Variants in FMN1 observed in about 807,000 individuals in gnomAD.
FMN1 encodes the protein formin 1.
A neutral mutation model predicts 132.4 loss-of-function variants in FMN1; 110 were observed. That is an observed-to-expected ratio of 0.83 (90% confidence interval 0.71 to 0.97). FMN1 has a LOEUF of 0.97. Among genes scored for constraint, FMN1 ranks in the 50% least tolerant of loss-of-function variants. The pLI is 0.00. For synonymous variants in FMN1, 722 were observed against 651.7 expected, an observed-to-expected ratio of 1.11 and a Z score of -1.64; for missense variants, 1,792 against 1,705.3, an observed-to-expected ratio of 1.05 and a Z score of -0.90.
intron 9 of FMN1, among the ~76,000 whole-genome samples, chr15:32,940,490 T>C (rs2061378460): frequency 1.3e-5 from 2 of 151,612 alleles, no homozygotes; most frequent in African/African-American, 4.8e-5. Context: ...AAATAACGGA[T>C]ACAGGAGCTA....
chr15:33,030,895 C>T (rs1390818040), intron 6 of FMN1, among the ~76,000 whole-genome samples: 1 of 151,992 alleles, frequency 6.6e-6, no homozygotes, highest in Non-Finnish European at 1.5e-5. Context: ...CATAGGTATA[C>T]ACGTGCCATG....
At chr15:33,031,151 G>A (rs1205777587) in intron 6 of FMN1, among the ~76,000 whole-genome samples, 1 of 152,114 alleles carries the variant, frequency 6.6e-6, no homozygotes, top group African/African-American at 2.4e-5. Context: ...GCTTACACAG[G>A]TAATAAGAAA....
rs577215139 is a variant in FMN1 at position 32,837,097 on chromosome 15, G to C, written c.3928+19918C>G. On this transcript the variant is annotated intron_variant, in intron 17 of 20. Coordinates refer to ENST00000616417, the MANE Select transcript of FMN1 (RefSeq NM_001277313.2). ...GTGTCTGTTCACCGCCAGGAGGAAG[G>C]CTTGATTAGCACTGAGCTGGAAGGA... is the stretch of plus-strand genomic sequence containing the variant. 3.5e-5 allele frequency: 8 copies of C among 227,364 alleles called. No individual in the cohort carries two copies. In the South Asian group the frequency reaches 4.2e-4, roughly 12 times the overall value. The allele number at this position is 227,364 out of a possible 1,614,324, so 14.1% of individuals were successfully genotyped here. A position where few individuals can be genotyped will look rare whatever the true frequency, so the allele number is the denominator to read the frequency against.
intron 17 of FMN1, among the ~76,000 whole-genome samples, chr15:32,820,736 GATA>G (rs751673451): frequency 1.3e-5 from 2 of 152,170 alleles, no homozygotes; most frequent in African/African-American, 4.8e-5. Context: ...ACGAAGGGCT[GATA>G]ATTGTTTTGT....
intron 7 of FMN1, among the ~76,000 whole-genome samples, chr15:32,994,232 T>TCTCTCTCTCTCTCACA (rs904998781): frequency 1.1e-4 from 4 of 37,264 alleles, no homozygotes; most frequent in Middle Eastern, 0.014. Flanking sequence ...TCTCTCTCTC[T>TCTCTCTCTCTCTCACA]CACACACACA....
chr15:33,137,587 A>T (rs1478561236), intron 4 of FMN1, among the ~76,000 whole-genome samples: 1 of 152,130 alleles, frequency 6.6e-6, no homozygotes, highest in African/African-American at 2.4e-5. Context: ...CCAGGAGAGG[A>T]TTCTGATTTT....
intron 7 of FMN1, among the ~76,000 whole-genome samples, chr15:32,989,684 C>T (rs1166727369): frequency 5.3e-5 from 8 of 152,128 alleles, no homozygotes; most frequent in Admixed American, 4.6e-4. Flanking sequence ...GGGCAACAAC[C>T]TAAATAATCG....
chr15:33,010,956 T>C (rs896971957), intron 6 of FMN1, among the ~76,000 whole-genome samples: 2 of 151,998 alleles, frequency 1.3e-5, no homozygotes, highest in Non-Finnish European at 2.9e-5. Context: ...TTCTGATTTA[T>C]AAGACTTCAT....
At chr15:33,039,790 A>G (rs35158642) in intron 6 of FMN1, among the ~76,000 whole-genome samples, 2,628 of 152,306 alleles carry the variant, frequency 0.017, 35 homozygotes, top group Non-Finnish European at 0.024. Context: ...ATGAATAATA[A>G]AGATTTTGAA....
At chr15:33,035,927 G>A (rs537356891) in intron 6 of FMN1, among the ~76,000 whole-genome samples, 2 of 152,270 alleles carry the variant, frequency 1.3e-5, no homozygotes, top group African/African-American at 4.8e-5. Flanking sequence ...ACTGTCATAG[G>A]AGGGAAGCTG....
intron 9 of FMN1, among the ~76,000 whole-genome samples, chr15:32,963,209 T>G (rs927716486): frequency 8.6e-5 from 13 of 151,456 alleles, no homozygotes; most frequent in African/African-American, 3.2e-4. Flanking sequence ...TGGATGAAAT[T>G]GGAAATCATC....
At chr15:33,126,579 G>C (rs953642824) in intron 4 of FMN1, among the ~76,000 whole-genome samples, 3 of 152,192 alleles carry the variant, frequency 2.0e-5, no homozygotes, top group African/African-American at 7.2e-5. Context: ...TAGCACTTCT[G>C]CCCATTCTTC....
At chr15:33,053,916 TTTCG>T (rs1250331779) in intron 6 of FMN1, among the ~76,000 whole-genome samples, 1 of 152,230 alleles carries the variant, frequency 6.6e-6, no homozygotes, top group Non-Finnish European at 1.5e-5. Context: ...CTTTTCTTTC[TTTCG>T]GAGTTTTTAA....
At chr15:32,851,146 T>C (rs1167224773) in intron 17 of FMN1, among the ~76,000 whole-genome samples, 1 of 152,180 alleles carries the variant, frequency 6.6e-6, no homozygotes, top group Admixed American at 6.5e-5. Flanking sequence ...TTTCATAGAC[T>C]AGGGCTAGAA....
intron 6 of FMN1, among the ~76,000 whole-genome samples, chr15:33,053,606 A>C (rs976135326): frequency 1.3e-5 from 2 of 152,182 alleles, no homozygotes; most frequent in African/African-American, 4.8e-5. Flanking sequence ...ACTTGGCTAC[A>C]AACTTCGGTG....
intron 7 of FMN1, among the ~76,000 whole-genome samples, chr15:32,971,531 C>A (rs1224478927): frequency 1.3e-5 from 2 of 152,146 alleles, no homozygotes; most frequent in Non-Finnish European, 2.9e-5. Context: ...TCTTTCCTGT[C>A]CACTTCCACC....
At chr15:33,110,360 T>TCA (rs2039654159) in intron 4 of FMN1, among the ~76,000 whole-genome samples, 1 of 152,038 alleles carries the variant, frequency 6.6e-6, no homozygotes, top group African/African-American at 2.4e-5. Flanking sequence ...AACCAAAAGG[T>TCA]TATGTATCAA....
intron 9 of FMN1, among the ~76,000 whole-genome samples, chr15:32,937,055 G>T (rs1001030575): frequency 1.3e-5 from 2 of 152,282 alleles, no homozygotes; most frequent in African/African-American, 2.4e-5. Context: ...CGGATGCTCC[G>T]ACTTTTTCCT....
Position 33,165,831 on chromosome 15 carries a change from G to A in FMN1, c.-131-10786C>T, listed in dbSNP as rs551001036. Among the ~76,000 whole-genome samples the A allele has an allele frequency of 5.3e-5, 8 of 152,258 alleles. No individual in the cohort carries two copies. The East Asian group carries it at 5.8e-4, about 11-fold the overall frequency. ...CAGTACAGCTCTCAAGGAGGAAGGTGGGGACCATGGGGGCTCTCCAAGACA... is the reference window on the plus strand; with the variant it reads ...CAGTACAGCTCTCAAGGAGGAAGGTAGGGACCATGGGGGCTCTCCAAGACA... On this transcript the variant is annotated intron_variant, in intron 3 of 20. Coordinates refer to ENST00000616417, the MANE Select transcript of FMN1 (RefSeq NM_001277313.2).
Sources: gnomAD v4.1 joint callset for allele counts (sites outside exome capture counted in the v4.1 genomes callset) on GRCh38, gnomAD v4.1.1 for gene constraint, MANE v1.5 for transcripts, NCBI Gene and HGNC (gene_info 2026-07-23, HGNC 2026-07-21) for gene names.